PRDM6: variants seen among roughly 807,000 people sequenced by gnomAD.
PRDM6 encodes the protein putative histone-lysine N-methyltransferase PRDM6.
In PRDM6, 25 loss-of-function variants were observed where a neutral mutation model predicts 60.8. That is an observed-to-expected ratio of 0.41 (90% CI 0.30 to 0.57). The LOEUF (loss-of-function observed/expected upper bound fraction) is 0.57. PRDM6 is among the 20% of genes least tolerant of loss of function. The pLI, the probability that PRDM6 is intolerant of heterozygous loss-of-function variation, is 0.27. For missense variants in PRDM6, 839 were observed against 821.3 expected, an observed-to-expected ratio of 1.02 and a Z score of -0.26; for synonymous variants, 407 against 357.4, an observed-to-expected ratio of 1.14 and a Z score of -1.57.
chr5:123,120,255 G>A (rs1764551389), intron 3 of PRDM6, among the ~76,000 whole-genome samples: 1 of 152,226 alleles, frequency 6.6e-6, no homozygotes, highest in South Asian at 2.1e-4. Flanking sequence ...TCTAGATGCT[G>A]TTTTGAAGCC....
intron 3 of PRDM6, among the ~76,000 whole-genome samples, chr5:123,114,029 C>T (rs1764374801): frequency 6.6e-6 from 1 of 152,194 alleles, no homozygotes; most frequent in Non-Finnish European, 1.5e-5. Context: ...TCATGAGTAA[C>T]TCCAGTTGGG....
chr5:123,121,283 G>A (rs1174122103), intron 3 of PRDM6, among the ~76,000 whole-genome samples: 5 of 151,930 alleles, frequency 3.3e-5, no homozygotes, highest in African/African-American at 7.3e-5. Context: ...CTCTTGCACC[G>A]GCAACTTATT....
At chr5:123,156,062 C>T (rs1765491219) in intron 4 of PRDM6, 51 bp downstream of exon 4, 1 of 1,494,330 alleles carries the variant, frequency 6.7e-7, no homozygotes, top group East Asian at 2.5e-5. Context: ...ATTTGGCTTG[C>T]ATATACAAAT....
rs903021549 is a variant in PRDM6 at position 123,165,179 on chromosome 5, C to T, written c.1153+5541C>T. Among the ~76,000 whole-genome samples the T allele has an allele frequency of 7.2e-5, 11 of 152,300 alleles. No individual in the cohort carries two copies. The East Asian group carries it at 1.9e-3, about 27-fold the overall frequency. ...GACCTCCTTACTGAGCGCCAGACTCCTCTCCAGCTGTCTTGGCAACATCTT... is the reference window on the plus strand; with the variant it reads ...GACCTCCTTACTGAGCGCCAGACTCTTCTCCAGCTGTCTTGGCAACATCTT... On this transcript the variant is annotated intron_variant, in intron 5 of 7. Transcript: ENST00000407847.
chr5:123,110,975 T>C (rs1054006993), intron 3 of PRDM6, among the ~76,000 whole-genome samples: 3 of 152,088 alleles, frequency 2.0e-5, no homozygotes, highest in African/African-American at 7.2e-5. Flanking sequence ...GTAATATCTG[T>C]GCCCCATGAT....
intron 3 of PRDM6, among the ~76,000 whole-genome samples, chr5:123,125,892 C>G (rs1025591284): frequency 6.6e-6 from 1 of 151,970 alleles, no homozygotes. Flanking sequence ...TATTCTTTCT[C>G]AGAGATCTTG....
intron 7 of PRDM6, among the ~76,000 whole-genome samples, chr5:123,182,449 G>A (rs1766186746): frequency 6.6e-6 from 1 of 152,214 alleles, no homozygotes; most frequent in South Asian, 2.1e-4. Flanking sequence ...TTATCTTGTT[G>A]CTGTGTAAAT....
chr5:123,154,699 A>G (rs980667891), intron 3 of PRDM6, among the ~76,000 whole-genome samples: 1 of 151,994 alleles, frequency 6.6e-6, no homozygotes, highest in African/African-American at 2.4e-5. Context: ...TCTAACACTT[A>G]TTTTCCATGC....
At chr5:123,153,861 C>T (rs56266463) in intron 3 of PRDM6, among the ~76,000 whole-genome samples, 36,963 of 151,902 alleles carry the variant, frequency 0.24, 4,854 homozygotes, top group Middle Eastern at 0.32. Flanking sequence ...ATAGTGGCTT[C>T]ATGCACAAAG....
At chr5:123,111,310 G>T (rs976932851) in intron 3 of PRDM6, among the ~76,000 whole-genome samples, 2 of 152,194 alleles carry the variant, frequency 1.3e-5, no homozygotes, top group Non-Finnish European at 2.9e-5. Flanking sequence ...CTGGGGACCT[G>T]CCCCTAAATG....
At chr5:123,167,459 G>A (rs191138082) in intron 5 of PRDM6, among the ~76,000 whole-genome samples, 21 of 151,514 alleles carry the variant, frequency 1.4e-4, no homozygotes, top group African/African-American at 5.1e-4. Context: ...GCACGGTCTC[G>A]GCTCACCGCA....
Position 123,159,614 on chromosome 5 carries a change from C to A in PRDM6, c.1129C>A (p.Gln377Lys), listed in dbSNP as rs969142747. The change falls in exon 5 of 8, where the codon CAA becomes AAA. Residue 377 changes from glutamine (Q) to lysine (K), a missense_variant. Around this residue, in one of 2 missense-constraint regions of PRDM6, gnomAD observed 730 missense variants for 648.8 expected, o/e 1.13. Coordinates refer to ENST00000407847, the MANE Select transcript of PRDM6 (RefSeq NM_001136239.4). ...TACGTCTTTCTTTGGGATCCCCTTA[C>A]AATGCATTGCCCAGGATGAAAACTG... Reference protein sequence around the residue: ...SYTSFFGIPLQCIAQDENLNV... With the variant: ...SYTSFFGIPLKCIAQDENLNV... The A allele has an allele frequency of 2.6e-6, 4 of 1,551,474 alleles. No homozygotes were observed. In the African/African-American group the frequency reaches 5.5e-5, roughly 21 times the overall value.
chr5:123,104,602 C>T lies in PRDM6; in HGVS notation c.900+4641C>T, dbSNP rs551829740. On this transcript the variant is annotated intron_variant, in intron 3 of 7. Coordinates refer to ENST00000407847, the MANE Select transcript of PRDM6 (RefSeq NM_001136239.4). ...ATTTATCATTTAATATAATAGTCTG[C>T]CTGTCAGTTTGGTTTTGAATATGTC... 1.1e-4 allele frequency among the ~76,000 whole-genome samples: 17 copies of T among 152,014 alleles called. No homozygotes were observed. The South Asian group carries it at 1.2e-3, about 11-fold the overall frequency.
In PRDM6 at chr5:123,154,185, A is replaced by C. The variant is rs79225331; in HGVS notation, c.901-1699A>C. On this transcript the variant is annotated intron_variant, in intron 3 of 7. Transcript: ENST00000407847. ...CAAAACCCCACAACAACAAAAACAG[A>C]AACAACTACAGTGTAATCAATCCTA... Among the ~76,000 whole-genome samples the C allele has an allele frequency of 4.4e-3, 677 of 152,358 alleles. 5 individuals carry two copies. Among genetic ancestry groups the C allele is most frequent in the South Asian group, 9.3e-3 (45 of 4,830 alleles).
intron 3 of PRDM6, among the ~76,000 whole-genome samples, chr5:123,128,001 G>A (rs1019937743): frequency 1.3e-5 from 2 of 151,240 alleles, no homozygotes; most frequent in Admixed American, 1.3e-4. Flanking sequence ...TCCCACCTAT[G>A]AGTGAGAACA....
At chr5:123,117,608 C>T (rs1250547651) in intron 3 of PRDM6, among the ~76,000 whole-genome samples, 4 of 152,224 alleles carry the variant, frequency 2.6e-5, no homozygotes, top group Non-Finnish European at 4.4e-5. Flanking sequence ...GTCCCCATCA[C>T]CTTTCCTGTT....
rs566419120 is a variant in PRDM6, at chr5:123,145,073, CT to C, written c.901-10810del. ...AAACAAGACAGATTTTATCCTTGCCCTCATTGAGGTTATATCCTTGCATGCT... is the reference window on the plus strand; with the variant it reads ...AAACAAGACAGATTTTATCCTTGCCCCATTGAGGTTATATCCTTGCATGCT... On this transcript the variant is annotated intron_variant, in intron 3 of 7. Coordinates refer to ENST00000407847, the MANE Select transcript of PRDM6 (RefSeq NM_001136239.4). 2.1e-3 allele frequency among the ~76,000 whole-genome samples: 321 copies of C among 152,324 alleles called. 2 individuals carry two copies. Among genetic ancestry groups the C allele is most frequent in the African/African-American group, 7.6e-3 (316 of 41,580 alleles).
At chr5:123,127,374 G>A (rs113011513) in intron 3 of PRDM6, among the ~76,000 whole-genome samples, 2,026 of 152,280 alleles carry the variant, frequency 0.013, 36 homozygotes, top group African/African-American at 0.041. Context: ...TTTACTGGAA[G>A]CATTGGGAAA....
rs796288142 is a variant in PRDM6, at chr5:123,125,184, CAT to C, written c.900+25224_900+25225del. ...ACCCGCCGGCCCCGCCACACACACA[CAT>C]GAGTGGCAAAAAAGCCACAGTGCAT... On this transcript the variant is annotated intron_variant, in intron 3 of 7. Coordinates refer to ENST00000407847, the MANE Select transcript of PRDM6 (RefSeq NM_001136239.4). Among the ~76,000 whole-genome samples the C allele has an allele frequency of 1.4e-4, 20 of 146,842 alleles. No homozygotes were observed. The East Asian group carries it at 2.9e-3, about 21-fold the overall frequency.
Sources: allele counts gnomAD v4.1 joint callset (sites outside exome capture counted in the v4.1 genomes callset), GRCh38; gene constraint gnomAD v4.1.1; regional missense constraint gnomAD v4.1.1; transcripts MANE v1.5; gene names NCBI Gene and HGNC (gene_info 2026-07-23, HGNC 2026-07-21).